The following PLLP variants were observed in gnomAD, a reference collection of about 807,000 sequenced individuals.
PLLP encodes plasma membrane proteolipid (plasmolipin).
In PLLP, 15 loss-of-function variants were observed where a neutral mutation model predicts 19.7. That is an observed-to-expected ratio of 0.76 (90% CI 0.51 to 1.17). PLLP has a LOEUF of 1.17. PLLP is among the 50% of genes most tolerant of loss of function. The probability of loss-of-function intolerance (pLI) is 0.00; values close to 1 mark genes in which losing one functional copy is unlikely to be tolerated. For synonymous variants in PLLP, 111 were observed against 116.3 expected (o/e 0.95, Z 0.29); for missense variants, 255 against 258.3 (o/e 0.99, Z 0.09).
intron 1 of PLLP, among the ~76,000 whole-genome samples, chr16:57,282,875 G>A (rs1187910366): frequency 1.3e-5 from 2 of 152,140 alleles, no homozygotes; most frequent in East Asian, 3.8e-4. Context: ...CTTCCTGGTC[G>A]TGAAATTGCT....
chr16:57,273,984 T>A (rs1361565109), intron 1 of PLLP, among the ~76,000 whole-genome samples: 1 of 152,030 alleles, frequency 6.6e-6, no homozygotes, highest in African/African-American at 2.4e-5. Context: ...TCCACGAACG[T>A]GTACTATTTT....
At chr16:57,283,003 C>T (rs1333049777) in intron 1 of PLLP, among the ~76,000 whole-genome samples, 3 of 152,134 alleles carry the variant, frequency 2.0e-5, no homozygotes, top group African/African-American at 7.2e-5. Context: ...AGCATTCTAG[C>T]GGTGGCGGGG....
chr16:57,280,467 CA>C (rs111258085), intron 1 of PLLP, among the ~76,000 whole-genome samples: 5,875 of 152,048 alleles, frequency 0.039, 373 homozygotes, highest in African/African-American at 0.13. Flanking sequence ...CTGAGCTACA[CA>C]AAAATCTGTA....
chr16:57,277,311 C>T (rs1462767714), intron 1 of PLLP, among the ~76,000 whole-genome samples: 1 of 152,184 alleles, frequency 6.6e-6, no homozygotes, highest in Non-Finnish European at 1.5e-5. Context: ...AATTAGGGGC[C>T]GGGTGCGGTG....
Position 57,270,813 on chromosome 16 carries a change from G to A in PLLP, c.136-8743C>T, listed in dbSNP as rs185818207. ...TCTCCAGGAAGGCGACAGCAGACTC[G>A]GAACCCAGCCCCAGATCCACTAGAC... On this transcript the variant is annotated intron_variant, in intron 1 of 3. Transcript: ENST00000219207. Among the ~76,000 whole-genome samples, 14 of 152,224 alleles carry A rather than the reference G, an allele frequency of 9.2e-5. No homozygotes were observed. In the East Asian group the frequency reaches 2.3e-3, roughly 25 times the overall value.
Position 57,258,536 on chromosome 16 carries a change from T to C in PLLP, c.358A>G (p.Ile120Val), listed in dbSNP as rs2075432862. 5 of 1,613,484 alleles carry C rather than the reference T, an allele frequency of 3.1e-6. No homozygotes were observed. In the East Asian group the frequency reaches 1.1e-4, roughly 36 times the overall value. The change falls in exon 3 of 4, where the codon ATC becomes GTC. Residue 120 changes from isoleucine (I) to valine (V), a missense_variant. By Grantham distance (29) the Ile-to-Val change is conservative. Coordinates refer to ENST00000219207, the MANE Select transcript of PLLP (RefSeq NM_015993.3). ...AGGTCAACTGCCGCAGAGCAGGCGA[T>C]GAAGGCGGTGATGTAGAGAACGGTG... is the stretch of plus-strand genomic sequence containing the variant. ...SATVLYITAF[I>V]ACSAAVDLTS...
chr16:57,270,022 G>C (rs1735179930), intron 1 of PLLP, among the ~76,000 whole-genome samples: 1 of 152,126 alleles, frequency 6.6e-6, no homozygotes, highest in Admixed American at 6.5e-5. Flanking sequence ...ACCTGCCTTG[G>C]CCTCCCACAG....
intron 2 of PLLP, among the ~76,000 whole-genome samples, chr16:57,259,287 G>A (rs1192016977): frequency 6.6e-6 from 1 of 152,252 alleles, no homozygotes; most frequent in African/African-American, 2.4e-5. Flanking sequence ...CCAGGGCCAA[G>A]CCCAGGCCAT....
At chr16:57,284,285 G>T (rs1207598863) in intron 1 of PLLP, 121 bp downstream of exon 1, 2 of 917,806 alleles carry the variant, frequency 2.2e-6, no homozygotes, top group Non-Finnish European at 3.0e-6. Context: ...GTCGGTGACA[G>T]TGTGAGCCCG....
chr16:57,273,509 G>T (rs1236218894), intron 1 of PLLP, among the ~76,000 whole-genome samples: 1 of 152,178 alleles, frequency 6.6e-6, no homozygotes. Flanking sequence ...GGACAAACAG[G>T]AGAGACCAAC....
intron 1 of PLLP, among the ~76,000 whole-genome samples, chr16:57,266,456 C>T (rs555024781): frequency 2.1e-4 from 32 of 152,276 alleles, no homozygotes; most frequent in Middle Eastern, 3.4e-3. Flanking sequence ...AGACCCTGCT[C>T]GGAACAGGGC....
intron 1 of PLLP, among the ~76,000 whole-genome samples, chr16:57,277,461 C>T (rs563203614): frequency 2.0e-5 from 3 of 152,154 alleles, no homozygotes; most frequent in East Asian, 1.9e-4. Context: ...CATGGTGGTG[C>T]GTGCCTGTAA....
At chr16:57,262,903 T>TC (rs1255568554) in intron 1 of PLLP, among the ~76,000 whole-genome samples, 1 of 151,956 alleles carries the variant, frequency 6.6e-6, no homozygotes, top group African/African-American at 2.4e-5. Flanking sequence ...TCATCAGTGC[T>TC]CACAGGGCCC....
chr16:57,271,803 C>T (rs1407710074), intron 1 of PLLP, among the ~76,000 whole-genome samples: 1 of 152,074 alleles, frequency 6.6e-6, no homozygotes, highest in Non-Finnish European at 1.5e-5. Context: ...GTAGGGGCCT[C>T]TTCAGTGACA....
chr16:57,284,626 C>A lies in PLLP; in HGVS notation c.-86G>T. The A allele has an allele frequency of 8.1e-7, 1 of 1,228,882 alleles. No individual in the cohort carries two copies. The highest frequency in any genetic ancestry group is 3.1e-5 in the East Asian group (1 of 32,514). The allele number at this position is 1,228,882 out of a possible 1,614,324, so 76.1% of individuals were successfully genotyped here. ...GTGCCGGCTCCCGCGCCGCTTTTCC[C>A]CCAGGCTCCGGATCCCTGTGTGGCT... On this transcript the variant is annotated 5_prime_UTR_variant, in exon 1 of 4. Coordinates refer to ENST00000219207, the MANE Select transcript of PLLP (RefSeq NM_015993.3).
intron 1 of PLLP, among the ~76,000 whole-genome samples, chr16:57,275,948 T>A (rs1427912823): frequency 6.6e-6 from 1 of 152,120 alleles, no homozygotes; most frequent in East Asian, 1.9e-4. Context: ...AGACCATGTC[T>A]CTACCAAAAA....
intron 1 of PLLP, among the ~76,000 whole-genome samples, chr16:57,266,907 T>C (rs1253484119): frequency 1.4e-5 from 2 of 144,956 alleles, no homozygotes; most frequent in Non-Finnish European, 3.0e-5. Flanking sequence ...ACCTGAATAA[T>C]TTGGATTAGG....
chr16:57,283,836 T>C (rs1901248087), intron 1 of PLLP, among the ~76,000 whole-genome samples: 1 of 151,934 alleles, frequency 6.6e-6, no homozygotes, highest in East Asian at 1.9e-4. Flanking sequence ...GCCCACAGGG[T>C]AGTGCCTGAG....
chr16:57,261,865 T>C (rs755312334), intron 2 of PLLP, 32 bp downstream of exon 2: 2 of 1,603,850 alleles, frequency 1.2e-6, no homozygotes, highest in Non-Finnish European at 1.7e-6. Context: ...GGTCCTGTCA[T>C]AGCCACTTCC....
Sources: gnomAD v4.1 joint callset for allele counts (sites outside exome capture counted in the v4.1 genomes callset) on GRCh38, gnomAD v4.1.1 for gene constraint, MANE v1.5 for transcripts, NCBI Gene and HGNC (gene_info 2026-07-23, HGNC 2026-07-21) for gene names.